B4GALNT3: variants seen among roughly 807,000 people sequenced by gnomAD.
B4GALNT3 encodes beta-1,4-N-acetylgalactosaminyltransferase 3.
B4GALNT3 carries 86 observed loss-of-function variants against 120.2 expected under a neutral mutation model. The observed-to-expected ratio is 0.72, with a 90% CI of 0.60 to 0.86. The LOEUF (loss-of-function observed/expected upper bound fraction) is 0.86. Among genes scored for constraint, B4GALNT3 ranks in the 40% least tolerant of loss-of-function variants. B4GALNT3 has a pLI of 0.00. For missense variants in B4GALNT3, 1,167 were observed against 1,298.9 expected (o/e 0.90, Z 1.56); for synonymous variants, 518 against 510.4 (o/e 1.01, Z -0.20).
chr12:561,775 AG>A lies in B4GALNT3; in HGVS notation c.*326del, dbSNP rs1396267342. Reference sequence around the variant, plus strand: ...TGAGCGACACCATCCTCATCCATGAAGGTGCACGCCCACATCCCCCAAGCGC... The same window carrying A: ...TGAGCGACACCATCCTCATCCATGAAGTGCACGCCCACATCCCCCAAGCGC... On this transcript the variant is annotated 3_prime_UTR_variant, in exon 20 of 20. Transcript: ENST00000266383. 4 of 258,988 alleles carry A rather than the reference AG, an allele frequency of 1.5e-5. No individual in the cohort carries two copies. The highest frequency in any genetic ancestry group is 3.0e-5 in the Non-Finnish European group (4 of 133,672). The allele number at this position is 258,988 out of a possible 1,614,324, so 16.0% of individuals were successfully genotyped here.
chr12:511,138 TC>T (rs1946545697), intron 1 of B4GALNT3, among the ~76,000 whole-genome samples: 1 of 143,572 alleles, frequency 7.0e-6, no homozygotes, highest in South Asian at 2.4e-4. Flanking sequence ...CAAGGTATTC[TC>T]CCACCTCTGC....
At chr12:480,071 C>A (rs1592014583) in intron 1 of B4GALNT3, among the ~76,000 whole-genome samples, 1 of 151,982 alleles carries the variant, frequency 6.6e-6, no homozygotes, top group Non-Finnish European at 1.5e-5. Flanking sequence ...TCGCCACCAC[C>A]CCCTGGATAA....
chr12:485,287 C>T lies in B4GALNT3; in HGVS notation c.169+24742C>T, dbSNP rs540616656. On this transcript the variant is annotated intron_variant, in intron 1 of 19. Coordinates refer to ENST00000266383, the MANE Select transcript of B4GALNT3 (RefSeq NM_173593.4). ...CGTGGGCACTGAGAAGAAAGATGTA[C>T]TTACAGTCCAAGGGCAGCAAAGTTG... Among the ~76,000 whole-genome samples the T allele has an allele frequency of 5.3e-5, 8 of 152,284 alleles. No individual in the cohort carries two copies. In the South Asian group the frequency reaches 1.7e-3, roughly 32 times the overall value.
intron 6 of B4GALNT3, among the ~76,000 whole-genome samples, chr12:545,763 GGAGGTGA>G: frequency 1.5e-5 from 2 of 134,998 alleles, no homozygotes; most frequent in Admixed American, 7.3e-5. Flanking sequence ...TGAGGAGTGG[GGAGGTGA>G]GAGGAGTGGG....
At chr12:552,327 ACACACACACC>A in intron 12 of B4GALNT3, 130 bp from the exon 13 acceptor site, 2 of 852,038 alleles carry the variant, frequency 2.3e-6, no homozygotes, top group East Asian at 2.6e-5. Context: ...ACACACACAC[ACACACACACC>A]CGCTCACCAG....
intron 1 of B4GALNT3, among the ~76,000 whole-genome samples, chr12:525,608 A>G (rs1224043187): frequency 1.3e-5 from 2 of 152,110 alleles, no homozygotes; most frequent in African/African-American, 4.8e-5. Flanking sequence ...AGGCCCTCCA[A>G]CTATGGAAAC....
chr12:524,528 T>G (rs1946743127), intron 1 of B4GALNT3, among the ~76,000 whole-genome samples: 1 of 152,114 alleles, frequency 6.6e-6, no homozygotes, highest in African/African-American at 2.4e-5. Flanking sequence ...TGTGTGGGCC[T>G]GGAAAACTTT....
chr12:472,842 A>G (rs1458727047), intron 1 of B4GALNT3, among the ~76,000 whole-genome samples: 1 of 152,194 alleles, frequency 6.6e-6, no homozygotes, highest in African/African-American at 2.4e-5. Flanking sequence ...GTCTATCTCC[A>G]AAACTGCTGG....
chr12:512,921 G>GCCTTCCACCTTCCA (rs1315535233), intron 1 of B4GALNT3, among the ~76,000 whole-genome samples: 1 of 75,468 alleles, frequency 1.3e-5, no homozygotes, highest in African/African-American at 5.1e-5. Context: ...TCCACCTTCT[G>GCCTTCCACCTTCCA]CCTTCCACCT....
chr12:486,170 G>A (rs1946288886), intron 1 of B4GALNT3, among the ~76,000 whole-genome samples: 1 of 149,702 alleles, frequency 6.7e-6, no homozygotes, highest in Non-Finnish European at 1.5e-5. Flanking sequence ...CAGGGGGAGG[G>A]AAAAAGAAAG....
At chr12:501,168 C>A (rs1946440112) in intron 1 of B4GALNT3, among the ~76,000 whole-genome samples, 1 of 152,184 alleles carries the variant, frequency 6.6e-6, no homozygotes, top group African/African-American at 2.4e-5. Context: ...AGCCATTGCG[C>A]TGGCCCCACT....
intron 3 of B4GALNT3, among the ~76,000 whole-genome samples, chr12:537,407 G>A (rs571521886): frequency 1.5e-4 from 23 of 152,166 alleles, no homozygotes; most frequent in African/African-American, 4.6e-4. Context: ...ATGTACCACC[G>A]TTGCCTGGCT....
Position 561,361 on chromosome 12 carries a change from G to T in B4GALNT3, c.2907G>T (p.Leu969=). ...ELLDRILQAG[L]DVERLSLRNF... is the part of the protein sequence containing the mutation. ...CCTCCAGGATACTCCAAGCGGGCCTGGACGTGGAGCGTCTCTCCCTCAGGA... is the reference window on the plus strand; with the variant it reads ...CCTCCAGGATACTCCAAGCGGGCCTTGACGTGGAGCGTCTCTCCCTCAGGA... The change falls in exon 20 of 20, where the codon CTG becomes CTT. Residue 969 remains leucine (L), a synonymous_variant. Transcript: ENST00000266383. 6.2e-7 allele frequency: 1 copy of T among 1,613,876 alleles called. No homozygotes were observed. The highest frequency in any genetic ancestry group is 8.5e-7 in the Non-Finnish European group (1 of 1,179,820).
chr12:534,235 G>T (rs941414553), intron 1 of B4GALNT3, among the ~76,000 whole-genome samples: 2 of 152,158 alleles, frequency 1.3e-5, no homozygotes, highest in African/African-American at 4.8e-5. Context: ...TCACTTGAAG[G>T]GAGGATGAGG....
chr12:511,328 A>ACCTTCCGCCTTCTG (rs1946551447), intron 1 of B4GALNT3, among the ~76,000 whole-genome samples: 2 of 32,390 alleles, frequency 6.2e-5, no homozygotes, highest in Non-Finnish European at 1.1e-4. Flanking sequence ...TCTGCCTTCC[A>ACCTTCCGCCTTCTG]CCTTCCACCT....
intron 1 of B4GALNT3, among the ~76,000 whole-genome samples, chr12:533,741 C>T (rs1220672273): frequency 6.6e-6 from 1 of 152,160 alleles, no homozygotes; most frequent in Non-Finnish European, 1.5e-5. Context: ...CAGATGAAAT[C>T]ACGCCTGTGG....
At chr12:554,233 G>A (rs1051311489) in intron 14 of B4GALNT3, among the ~76,000 whole-genome samples, 2 of 152,240 alleles carry the variant, frequency 1.3e-5, no homozygotes, top group East Asian at 1.9e-4. Flanking sequence ...GGCCCAGTAC[G>A]TGTGTTGAGG....
intron 1 of B4GALNT3, among the ~76,000 whole-genome samples, chr12:478,109 G>T (rs1290564679): frequency 6.6e-6 from 1 of 152,006 alleles, no homozygotes; most frequent in Non-Finnish European, 1.5e-5. Flanking sequence ...AGTTAGCCAG[G>T]CATGGTGGCC....
At chr12:487,636 C>G (rs1334104293) in intron 1 of B4GALNT3, among the ~76,000 whole-genome samples, 1 of 151,540 alleles carries the variant, frequency 6.6e-6, no homozygotes, top group Non-Finnish European at 1.5e-5. Context: ...TCACTTGAAC[C>G]TAGGAGGCAG....
Sources: allele counts gnomAD v4.1 joint callset (sites outside exome capture counted in the v4.1 genomes callset), GRCh38; gene constraint gnomAD v4.1.1; transcripts MANE v1.5; gene names NCBI Gene and HGNC (gene_info 2026-07-23, HGNC 2026-07-21).